The following KCNN3 variants were observed in gnomAD, a reference collection of about 807,000 sequenced individuals.
KCNN3 encodes potassium calcium-activated channel subfamily N member 3, also known as small conductance calcium-activated potassium channel protein 3.
A neutral mutation model predicts 62.9 loss-of-function variants in KCNN3; 16 were observed. The observed-to-expected ratio is 0.25, with a 90% CI of 0.17 to 0.39. The LOEUF (loss-of-function observed/expected upper bound fraction) is 0.39. Among genes scored for constraint, KCNN3 ranks in the 10% least tolerant of loss-of-function variants. The pLI is 1.00. For synonymous variants in KCNN3, 370 were observed against 389.2 expected (o/e 0.95, Z 0.58); for missense variants, 599 against 949.4 (o/e 0.63, Z 4.85).
chr1:154,823,565 C>G (rs747282799), intron 1 of KCNN3, among the ~76,000 whole-genome samples: 17 of 152,182 alleles, frequency 1.1e-4, no homozygotes, highest in Non-Finnish European at 1.9e-4. Context: ...GCCTCTGACT[C>G]GCAGTACAGA....
rs1037817501 is a variant in KCNN3 at position 154,733,246 on chromosome 1, G to T, written c.1449-102C>A. ...GGAAGGAAATGAGATATTTTGCTGA[G>T]GAAGAGGCAGCAGTGACGGTGGCTC... On this transcript the variant is annotated intron_variant, in intron 3 of 7. Transcript: ENST00000271915. 6 of 1,240,490 alleles carry T rather than the reference G, an allele frequency of 4.8e-6. No homozygotes were observed. The Admixed American group carries it at 1.0e-4, about 21-fold the overall frequency. The allele number at this position is 1,240,490 out of a possible 1,614,324, so 76.8% of individuals were successfully genotyped here. A position where few individuals can be genotyped will look rare whatever the true frequency, so the allele number is the denominator to read the frequency against.
At position 154,700,517 on chromosome 1, in the gene KCNN3, A is replaced by C. The variant is rs1196186740; in HGVS notation, c.*7459T>G. ...CTGAGCAGTGTTAGAAGGAAAAACCAAAAGAAAAAAGCACTTACTGGGCCA... is the reference window on the plus strand; with the variant it reads ...CTGAGCAGTGTTAGAAGGAAAAACCCAAAGAAAAAAGCACTTACTGGGCCA... On this transcript the variant is annotated 3_prime_UTR_variant, in exon 8 of 8. Transcript: ENST00000271915. 1 of 152,282 alleles carries C rather than the reference A, an allele frequency of 6.6e-6. No individual in the cohort carries two copies. Among genetic ancestry groups the C allele is most frequent in the Non-Finnish European group, 1.5e-5 (1 of 68,092 alleles). 9.4% of individuals were successfully genotyped at this position (152,282 alleles called of 1,614,324 possible).
At chr1:154,723,814 C>CTTT (rs1307282646) in intron 5 of KCNN3, among the ~76,000 whole-genome samples, 2 of 152,214 alleles carry the variant, frequency 1.3e-5, no homozygotes, top group African/African-American at 4.8e-5. Flanking sequence ...CAGTAAATTG[C>CTTT]TTCAGGAAAA....
At chr1:154,733,207 C>T in intron 3 of KCNN3, 63 bp from the exon 4 acceptor site, 1 of 1,542,896 alleles carries the variant, frequency 6.5e-7, no homozygotes, top group Non-Finnish European at 9.0e-7. Context: ...GGGCTGTGGG[C>T]AAACCTAGAG....
intron 2 of KCNN3, among the ~76,000 whole-genome samples, chr1:154,784,504 G>C (rs1009225071): frequency 1.3e-5 from 2 of 152,096 alleles, no homozygotes; most frequent in Non-Finnish European, 2.9e-5. Context: ...CAGATCCAGC[G>C]TCCCACCCTT....
At chr1:154,826,080 C>CAAA (rs1651112313) in intron 1 of KCNN3, among the ~76,000 whole-genome samples, 2 of 14,586 alleles carry the variant, frequency 1.4e-4, no homozygotes, top group Admixed American at 1.1e-3. Context: ...AAAACAAAAA[C>CAAA]AAAAACAAAA....
At chr1:154,751,222 G>A (rs999586410) in intron 3 of KCNN3, among the ~76,000 whole-genome samples, 4 of 152,128 alleles carry the variant, frequency 2.6e-5, no homozygotes, top group South Asian at 2.1e-4. Flanking sequence ...TGGTTTCCTC[G>A]TGTGTACAAT....
intron 3 of KCNN3, among the ~76,000 whole-genome samples, chr1:154,766,988 C>T (rs139015184): frequency 3.5e-3 from 530 of 152,158 alleles, no homozygotes; most frequent in Non-Finnish European, 5.7e-3. Flanking sequence ...GCCATTCCTA[C>T]TGTTTTCTTG....
At chr1:154,777,326 C>T (rs1648833543) in intron 2 of KCNN3, among the ~76,000 whole-genome samples, 1 of 152,102 alleles carries the variant, frequency 6.6e-6, no homozygotes, top group African/African-American at 2.4e-5. Flanking sequence ...TGAGACGTTG[C>T]CTGGCACAGA....
rs1197109568 is a variant in KCNN3, at chr1:154,703,895, A to AT, written c.*4080dup. ...GAAAACATTGTACTTAAGAATATTA[A>AT]TTATTCTCTTCATTTTAAGTACAGA... is the stretch of plus-strand genomic sequence containing the variant. On this transcript the variant is annotated 3_prime_UTR_variant, in exon 8 of 8. Transcript: ENST00000271915. 1 of 152,218 alleles carries AT rather than the reference A, an allele frequency of 6.6e-6. No individual in the cohort carries two copies. Among genetic ancestry groups the AT allele is most frequent in the African/African-American group, 2.4e-5 (1 of 41,444 alleles). 9.4% of individuals were successfully genotyped at this position (152,218 alleles called of 1,614,324 possible). A position where few individuals can be genotyped will look rare whatever the true frequency, so the allele number is the denominator to read the frequency against.
rs1648605866 is a variant in KCNN3, at chr1:154,772,466, G to A, written c.1030-73C>T. 1.2e-5 allele frequency: 17 copies of A among 1,396,620 alleles called. No individual in the cohort carries two copies. The Admixed American group carries it at 1.5e-4, about 12-fold the overall frequency. 86.5% of individuals were successfully genotyped at this position (1,396,620 alleles called of 1,614,324 possible). On this transcript the variant is annotated intron_variant, in intron 2 of 7. Transcript: ENST00000271915. The surrounding 1 kb of genome is among the most constrained non-coding windows in gnomAD (Gnocchi z 5.6). ...ACAGCAGGGTCCAGGCAGGACAGGT[G>A]GGGCAGGCTGGGGCAGGCTGCTGGG...
At chr1:154,775,747 G>C in intron 2 of KCNN3, among the ~76,000 whole-genome samples, 1 of 152,170 alleles carries the variant, frequency 6.6e-6, no homozygotes, top group East Asian at 1.9e-4. Flanking sequence ...AGCTGAGCCT[G>C]GGTTTTTCCA....
rs1429357039 is a variant in KCNN3, at chr1:154,822,158, T to C, written c.960A>G (p.Lys320=). ...SKDSMFSLAL[K]CLISLSTIIL... ...TGATGGTGGACAGACTGATAAGGCA[T>C]TTCAGGGCCAACGAAAACATGGAGT... The change falls in exon 2 of 8, where the codon AAA becomes AAG. Residue 320 remains lysine (K), a synonymous_variant. Transcript: ENST00000271915. 1 of 1,613,954 alleles carries C rather than the reference T, an allele frequency of 6.2e-7. No homozygotes were observed. The highest frequency in any genetic ancestry group is 1.7e-5 in the Admixed American group (1 of 60,022).
At chr1:154,777,372 T>A (rs1387903433) in intron 2 of KCNN3, among the ~76,000 whole-genome samples, 1 of 151,876 alleles carries the variant, frequency 6.6e-6, no homozygotes, top group Non-Finnish European at 1.5e-5. Flanking sequence ...AATAAAGGGG[T>A]GTGTAGGCGG....
intron 2 of KCNN3, among the ~76,000 whole-genome samples, chr1:154,788,617 G>A (rs1389192567): frequency 1.3e-5 from 2 of 152,028 alleles, no homozygotes; most frequent in Non-Finnish European, 2.9e-5. Context: ...TTCCTGAGAG[G>A]CACCAAATAC....
At chr1:154,844,155 TC>T (rs1651948740) in intron 1 of KCNN3, among the ~76,000 whole-genome samples, 1 of 152,128 alleles carries the variant, frequency 6.6e-6, no homozygotes, top group African/African-American at 2.4e-5. Flanking sequence ...CTCCTTCCCC[TC>T]CCCAACCCTC....
intron 1 of KCNN3, among the ~76,000 whole-genome samples, chr1:154,867,145 A>G (rs1652987173): frequency 1.3e-5 from 2 of 152,130 alleles, no homozygotes; most frequent in Non-Finnish European, 2.9e-5. Flanking sequence ...CCTGGTCTCC[A>G]AGGGAGGACT....
chr1:154,760,542 C>A (rs1647955680), intron 3 of KCNN3, among the ~76,000 whole-genome samples: 1 of 152,166 alleles, frequency 6.6e-6, no homozygotes, highest in Non-Finnish European at 1.5e-5. Context: ...ACGCTCTGCT[C>A]CTCCACAGCG....
chr1:154,735,120 G>C (rs979677768), intron 3 of KCNN3, among the ~76,000 whole-genome samples: 10 of 152,214 alleles, frequency 6.6e-5, no homozygotes, highest in Non-Finnish European at 1.0e-4. Flanking sequence ...AGATAACACA[G>C]CTTGCTGGGA....
Sources: allele counts gnomAD v4.1 joint callset (sites outside exome capture counted in the v4.1 genomes callset), GRCh38; gene constraint gnomAD v4.1.1; non-coding constraint Gnocchi (gnomAD v3.1); transcripts MANE v1.5; gene names NCBI Gene and HGNC (gene_info 2026-07-23, HGNC 2026-07-21).